EBF4: variants seen among roughly 807,000 people sequenced by gnomAD.
EBF4 encodes the protein EBF transcription factor 4.
In EBF4, 34 loss-of-function variants were observed where a neutral mutation model predicts 67.1. The ratio of observed to expected loss-of-function variants is 0.51; its 90% confidence interval spans 0.39 to 0.67. The LOEUF (loss-of-function observed/expected upper bound fraction) is 0.67, where lower values mean the gene tolerates loss of function less well. Ranked by LOEUF, EBF4 falls within the 30% of genes least tolerant of loss-of-function variation. The pLI, the probability that EBF4 is intolerant of heterozygous loss-of-function variation, is 0.00. For synonymous variants in EBF4, 387 were observed against 377.7 expected (o/e 1.02, Z -0.29); for missense variants, 837 against 873.3 (o/e 0.96, Z 0.52).
intron 6 of EBF4, among the ~76,000 whole-genome samples, chr20:2,713,978 T>C (rs1423997293): frequency 6.6e-6 from 1 of 152,164 alleles, no homozygotes; most frequent in African/African-American, 2.4e-5. Flanking sequence ...ATACTGACAT[T>C]GAAATAACCA....
intron 14 of EBF4, among the ~76,000 whole-genome samples, chr20:2,753,200 C>A (rs910422213): frequency 6.6e-6 from 1 of 152,224 alleles, no homozygotes; most frequent in African/African-American, 2.4e-5. Flanking sequence ...TAAGGTTGAT[C>A]TCGGATCTGA....
chr20:2,751,994 C>T lies in EBF4; in HGVS notation c.1173+7C>T, dbSNP rs1239969000. ...AGTGCCCGGCAGTAACCAGGTATGG[C>T]GCCTCCGCCCTCCCAGCGCCGCCGG... is the stretch of plus-strand genomic sequence containing the variant. On this transcript the variant is annotated splice_region_variant and intron_variant, in intron 12 of 16. Coordinates refer to ENST00000609451, the Ensembl canonical transcript of EBF4. The surrounding 1 kb of genome is among the most constrained non-coding windows in gnomAD (Gnocchi z 5.2). 1.9e-6 allele frequency: 3 copies of T among 1,541,530 alleles called. No individual in the cohort carries two copies. Among genetic ancestry groups the T allele is most frequent in the Middle Eastern group, 4.2e-4 (2 of 4,716 alleles).
chr20:2,693,700 C>T lies in EBF4; in HGVS notation c.55C>T (p.Pro19Ser). Reference sequence around the variant, plus strand: ...CAGCGGGCTGAACCTGAAGGAGGAGCCGCTGCTGCCCGCCGGCCTGGGCTC... The same window carrying T: ...CAGCGGGCTGAACCTGAAGGAGGAGTCGCTGCTGCCCGCCGGCCTGGGCTC... The change falls in exon 1 of 17, where the codon CCG becomes TCG. Residue 19 changes from proline (P) to serine (S), a missense_variant. Coordinates refer to ENST00000609451, the Ensembl canonical transcript of EBF4. The surrounding 1 kb of genome is among the most constrained non-coding windows in gnomAD (Gnocchi z 4.6). 1.4e-6 allele frequency: 2 copies of T among 1,424,846 alleles called. No individual in the cohort carries two copies. Among genetic ancestry groups the T allele is most frequent in the Admixed American group, 2.9e-5 (1 of 34,292 alleles). 88.3% of individuals were successfully genotyped at this position (1,424,846 alleles called of 1,614,324 possible).
At chr20:2,758,837 C>A in intron 15 of EBF4, 72 bp from the exon 16 acceptor site, 1 of 1,360,512 alleles carries the variant, frequency 7.4e-7, no homozygotes, top group Non-Finnish European at 1.0e-6. Flanking sequence ...TGTCTCCAGC[C>A]CAGAGAGTGA....
At position 2,756,218 on chromosome 20, in the gene EBF4, A is replaced by G. The variant is rs2088240560; in HGVS notation, c.1738+394A>G. Among the ~76,000 whole-genome samples the G allele has an allele frequency of 6.6e-6, 1 of 152,204 alleles. No homozygotes were observed. Among genetic ancestry groups the G allele is most frequent in the Non-Finnish European group, 1.5e-5 (1 of 68,038 alleles). On this transcript the variant is annotated intron_variant, in intron 15 of 16. Coordinates refer to ENST00000609451, the Ensembl canonical transcript of EBF4. The surrounding 1 kb of genome is among the most constrained non-coding windows in gnomAD (Gnocchi z 4.5). ...CTGTGTCCACCAGAGGGTAGCACAC[A>G]CCACTGTGAGGGACTGGGTCGCTGA...
At chr20:2,731,878 T>C (rs1443421730) in intron 6 of EBF4, among the ~76,000 whole-genome samples, 1 of 152,106 alleles carries the variant, frequency 6.6e-6, no homozygotes, top group Non-Finnish European at 1.5e-5. Context: ...AAGCCAGGAG[T>C]ACCTCACCTT....
At chr20:2,743,919 A>G (rs986826438) in intron 6 of EBF4, among the ~76,000 whole-genome samples, 2 of 152,014 alleles carry the variant, frequency 1.3e-5, no homozygotes, top group Non-Finnish European at 2.9e-5. Flanking sequence ...AAGTATAGTC[A>G]CCCCACTCTG....
At chr20:2,703,733 G>A (rs539386743) in intron 1 of EBF4, among the ~76,000 whole-genome samples, 7 of 147,794 alleles carry the variant, frequency 4.7e-5, no homozygotes, top group South Asian at 2.2e-4. Flanking sequence ...AAAAAAAACC[G>A]ACTCCAAAAC....
chr20:2,716,087 A>G (rs917790858), intron 6 of EBF4, among the ~76,000 whole-genome samples: 11 of 151,928 alleles, frequency 7.2e-5, no homozygotes, highest in Non-Finnish European at 1.5e-4. Flanking sequence ...GCCAGGCACA[A>G]TAGCTCATGC....
chr20:2,719,051 T>C (rs907733279), intron 6 of EBF4, among the ~76,000 whole-genome samples: 2 of 152,144 alleles, frequency 1.3e-5, no homozygotes, highest in Non-Finnish European at 2.9e-5. Flanking sequence ...TTCCAAAAAC[T>C]TGGGGGGATT....
At chr20:2,694,650 G>T (rs1413325181) in intron 1 of EBF4, among the ~76,000 whole-genome samples, 2 of 152,184 alleles carry the variant, frequency 1.3e-5, no homozygotes, top group Admixed American at 6.5e-5. Flanking sequence ...TGACAGCTGG[G>T]ACAGGGTGGG....
exon 9 of EBF4, chr20:2,749,628 C>T (rs1191410626): frequency 6.4e-7 from 1 of 1,559,042 alleles, no homozygotes; most frequent in Non-Finnish European, 8.7e-7. Flanking sequence ...AGCTGCCACC[C>T]CCTGCATCAA....
At chr20:2,718,650 G>A (rs1425456295) in intron 6 of EBF4, among the ~76,000 whole-genome samples, 1 of 152,116 alleles carries the variant, frequency 6.6e-6, no homozygotes, top group Non-Finnish European at 1.5e-5. Flanking sequence ...TCCTGATACT[G>A]GCAAATTGTG....
intron 6 of EBF4, among the ~76,000 whole-genome samples, chr20:2,730,618 A>G (rs2087801313): frequency 6.6e-6 from 1 of 152,202 alleles, no homozygotes; most frequent in Non-Finnish European, 1.5e-5. Flanking sequence ...TTAAGCCACC[A>G]TATCACTCAA....
In EBF4 at chr20:2,707,814, C is replaced by T; in HGVS notation, c.415-133C>T. 2 of 853,510 alleles carry T rather than the reference C, an allele frequency of 2.3e-6. No individual in the cohort carries two copies. Among genetic ancestry groups the T allele is most frequent in the Non-Finnish European group, 3.5e-6 (2 of 576,836 alleles). The allele number at this position is 853,510 out of a possible 1,614,324, so 52.9% of individuals were successfully genotyped here. A position where few individuals can be genotyped will look rare whatever the true frequency, so the allele number is the denominator to read the frequency against. ...CCCGCCTGGGCAGCCCAGAGCAAGGCAGAGGGCGTGCTCTTCCCTGGGGCA... is the reference window on the plus strand; with the variant it reads ...CCCGCCTGGGCAGCCCAGAGCAAGGTAGAGGGCGTGCTCTTCCCTGGGGCA... On this transcript the variant is annotated intron_variant, in intron 4 of 16. Coordinates refer to ENST00000609451, the Ensembl canonical transcript of EBF4. The surrounding 1 kb of genome is among the most constrained non-coding windows in gnomAD (Gnocchi z 4.6).
At position 2,759,260 on chromosome 20, in the gene EBF4, C is replaced by T. The variant is rs1221351164; in HGVS notation, c.*6-8C>T. On this transcript the variant is annotated splice_region_variant and splice_polypyrimidine_tract_variant and intron_variant, in intron 16 of 16. Transcript: ENST00000609451. ...CGACCTTCTTCTCTCCCTCTCTCGC[C>T]CCACCAGGTCTGCAGCTGTTCCCAT... is the stretch of plus-strand genomic sequence containing the variant. 1.6e-5 allele frequency: 8 copies of T among 505,106 alleles called. No individual in the cohort carries two copies. In the South Asian group the frequency reaches 2.0e-4, roughly 12 times the overall value. 31.3% of individuals were successfully genotyped at this position (505,106 alleles called of 1,614,324 possible).
Position 2,749,354 on chromosome 20 carries a change from G to C in EBF4, c.640-47G>C, listed in dbSNP as rs1273810766. On this transcript the variant is annotated intron_variant, in intron 7 of 16. Transcript: ENST00000609451. ...GGTTCCCCACCACATTCCCCTCCCG[G>C]GAGCCCCCGAGGGCCCCAGCCAGGC... 2.1e-6 allele frequency: 3 copies of C among 1,440,724 alleles called. No individual in the cohort carries two copies. In the East Asian group the frequency reaches 7.7e-5, roughly 37 times the overall value. 89.2% of individuals were successfully genotyped at this position (1,440,724 alleles called of 1,614,324 possible).
chr20:2,726,071 AT>A (rs143700993), intron 6 of EBF4, among the ~76,000 whole-genome samples: 14 of 151,068 alleles, frequency 9.3e-5, no homozygotes, highest in African/African-American at 2.9e-4. Flanking sequence ...CTCTACATGT[AT>A]TTTTTTTTCT....
At chr20:2,722,251 G>C (rs796320630) in intron 6 of EBF4, among the ~76,000 whole-genome samples, 5 of 151,828 alleles carry the variant, frequency 3.3e-5, no homozygotes, top group African/African-American at 1.2e-4. Context: ...TCAGTCTGGG[G>C]CTAATTATTC....
Sources: allele counts gnomAD v4.1 joint callset (sites outside exome capture counted in the v4.1 genomes callset), GRCh38; gene constraint gnomAD v4.1.1; non-coding constraint Gnocchi (gnomAD v3.1); transcripts MANE v1.5; gene names NCBI Gene and HGNC (gene_info 2026-07-23, HGNC 2026-07-21).